The following ZNF280D variants were observed in gnomAD, a reference collection of about 807,000 sequenced individuals.
ZNF280D encodes the protein zinc finger protein 280D.
ZNF280D carries 39 observed loss-of-function variants against 94.7 expected under a neutral mutation model. That is an observed-to-expected ratio of 0.41 (90% CI 0.32 to 0.54). ZNF280D has a LOEUF of 0.54. Ranked by LOEUF, ZNF280D falls within the 20% of genes least tolerant of loss-of-function variation. The pLI is 0.22. For missense variants in ZNF280D, 1,090 were observed against 1,149.3 expected, an observed-to-expected ratio of 0.95 and a Z score of 0.75; for synonymous variants, 398 against 377.6, an observed-to-expected ratio of 1.05 and a Z score of -0.63.
Position 56,677,586 on chromosome 15 carries a change from T to C in ZNF280D, c.1251A>G (p.Pro417=), listed in dbSNP as rs148506857. ...AATGTATGTGTACCTGGCAGACATA[T>C]GGCATTTCACCAGGTTTATGATTGT... ...MKDNHKPGEM[P]YVCQVCNYRS... Residue 417 remains proline, a synonymous_variant, in exon 12 of 22, where the codon CCA becomes CCG. Transcript: ENST00000267807. 93 of 1,605,544 alleles carry C rather than the reference T, an allele frequency of 5.8e-5. No individual in the cohort carries two copies. In the East Asian group the frequency reaches 7.6e-4, roughly 13 times the overall value.
chr15:56,680,040 G>A (rs1457301726), intron 10 of ZNF280D, among the ~76,000 whole-genome samples: 1 of 152,050 alleles, frequency 6.6e-6, no homozygotes, highest in Non-Finnish European at 1.5e-5. Context: ...ATTATTATAT[G>A]AGTTCCCATC....
chr15:56,658,370 T>A, intron 17 of ZNF280D, 54 bp downstream of exon 17: 1 of 1,375,270 alleles, frequency 7.3e-7, no homozygotes, highest in Non-Finnish European at 1.0e-6. Context: ...TTAAAAAAAA[T>A]TTAAGTCATT....
intron 6 of ZNF280D, among the ~76,000 whole-genome samples, chr15:56,694,361 T>C (rs184546492): frequency 3.0e-4 from 45 of 150,410 alleles, no homozygotes; most frequent in Admixed American, 2.1e-3. Flanking sequence ...ATACCATTAA[T>C]ACTTCTAAAA....
intron 1 of ZNF280D, among the ~76,000 whole-genome samples, chr15:56,715,242 C>T (rs1355820947): frequency 6.6e-6 from 1 of 152,108 alleles, no homozygotes; most frequent in African/African-American, 2.4e-5. Context: ...GAAACATATG[C>T]ATTAATCCTT....
At chr15:56,692,430 A>T (rs2056476255) in intron 7 of ZNF280D, among the ~76,000 whole-genome samples, 1 of 152,128 alleles carries the variant, frequency 6.6e-6, no homozygotes, top group Non-Finnish European at 1.5e-5. Context: ...TAAGATACAA[A>T]GAGTAACTGC....
intron 14 of ZNF280D, among the ~76,000 whole-genome samples, chr15:56,668,528 C>T (rs1274446688): frequency 1.3e-5 from 2 of 152,042 alleles, no homozygotes; most frequent in African/African-American, 4.8e-5. Context: ...TCAACATATA[C>T]ACTTTCAACT....
At chr15:56,653,259 C>T (rs2053316691) in intron 19 of ZNF280D, 1 of 1,172,058 alleles carries the variant, frequency 8.5e-7, no homozygotes, top group Admixed American at 4.6e-5. Context: ...TAAACTTCAA[C>T]TTGGATGCTG....
intron 1 of ZNF280D, among the ~76,000 whole-genome samples, chr15:56,727,522 A>G (rs1423095160): frequency 6.6e-6 from 1 of 152,226 alleles, no homozygotes; most frequent in African/African-American, 2.4e-5. Flanking sequence ...AAATAAGGGG[A>G]GGGCACAGAA....
At chr15:56,701,739 C>T (rs1203541385) in intron 4 of ZNF280D, among the ~76,000 whole-genome samples, 1 of 152,014 alleles carries the variant, frequency 6.6e-6, no homozygotes, top group Non-Finnish European at 1.5e-5. Flanking sequence ...TACAGAAAAT[C>T]TCATCGGATT....
intron 9 of ZNF280D, among the ~76,000 whole-genome samples, chr15:56,686,338 T>C: frequency 6.6e-6 from 1 of 152,090 alleles, no homozygotes; most frequent in Admixed American, 6.5e-5. Context: ...GGGGTTTCAC[T>C]ATGTTGGCCA....
Position 56,666,814 on chromosome 15 carries a change from C to G in ZNF280D, c.1718G>C (p.Ser573Thr). Residue 573 changes from serine to threonine, a missense_variant, in exon 15 of 22, where the codon AGT (serine) becomes ACT (threonine). By Grantham distance (58) the Ser-to-Thr change is moderately conservative. Around this residue, in one of 3 missense-constraint regions of ZNF280D, gnomAD observed 577 missense variants for 568.8 expected, o/e 1.01. Coordinates refer to ENST00000267807, the MANE Select transcript of ZNF280D (RefSeq NM_017661.4). ...ATTAGGCTTACTTGTATTAGGTTTACTTGCGTTGGATTTGACTGTATTAGG... is the reference window on the plus strand; with the variant it reads ...ATTAGGCTTACTTGTATTAGGTTTAGTTGCGTTGGATTTGACTGTATTAGG... The part of the protein sequence containing the change: ...SKPNTVKSNA[S>T]KPNTSKPNGS... 6.2e-7 allele frequency: 1 copy of G among 1,613,700 alleles called. No individual in the cohort carries two copies. Among genetic ancestry groups the G allele is most frequent in the Non-Finnish European group, 8.5e-7 (1 of 1,179,856 alleles).
chr15:56,674,742 T>C (rs1159091630), intron 13 of ZNF280D, among the ~76,000 whole-genome samples: 1 of 151,496 alleles, frequency 6.6e-6, no homozygotes, highest in East Asian at 1.9e-4. Flanking sequence ...GTATGTTAAC[T>C]GCTTGTTTTA....
intron 1 of ZNF280D, among the ~76,000 whole-genome samples, chr15:56,713,193 T>A (rs1455949057): frequency 1.3e-5 from 2 of 152,188 alleles, no homozygotes; most frequent in Admixed American, 1.3e-4. Context: ...AACCAAGAAG[T>A]TGGCAACACC....
intron 16 of ZNF280D, 86 bp downstream of exon 16, chr15:56,666,309 C>T: frequency 6.9e-7 from 1 of 1,448,706 alleles, no homozygotes. Flanking sequence ...GAAAAACTGG[C>T]TTCTAATAGG....
intron 6 of ZNF280D, chr15:56,699,638 T>C: frequency 1.1e-6 from 1 of 882,632 alleles, no homozygotes; most frequent in Non-Finnish European, 1.4e-6. Context: ...GTAAATACTT[T>C]AAAGATTTGT....
At chr15:56,697,811 T>A (rs1320166393) in intron 6 of ZNF280D, 5 of 152,146 alleles carry the variant, frequency 3.3e-5, no homozygotes. Context: ...CAAATTAACA[T>A]AAATAACATT....
intron 1 of ZNF280D, among the ~76,000 whole-genome samples, chr15:56,716,712 C>T (rs900581062): frequency 6.6e-6 from 1 of 152,060 alleles, no homozygotes; most frequent in Admixed American, 6.6e-5. Flanking sequence ...AGTATTAAAT[C>T]AGAGAGAAGA....
At chr15:56,662,192 C>A (rs888984216) in intron 16 of ZNF280D, among the ~76,000 whole-genome samples, 4 of 151,368 alleles carry the variant, frequency 2.6e-5, no homozygotes, top group South Asian at 2.1e-4. Context: ...GATTATAGAG[C>A]AATTTATGTG....
Position 56,707,007 on chromosome 15 carries a change from C to G in ZNF280D, c.28+75G>C. ...TTGTTTTTTAAAAAATGTCTCCCAA[C>G]TTTCATCCTTTCTCCTGAGGTAAAG... On this transcript the variant is annotated intron_variant, in intron 3 of 21. Coordinates refer to ENST00000267807, the MANE Select transcript of ZNF280D (RefSeq NM_017661.4). 4.8e-6 allele frequency: 7 copies of G among 1,452,120 alleles called. No individual in the cohort carries two copies. The Middle Eastern group carries it at 1.1e-3, about 223-fold the overall frequency. 90.0% of individuals were successfully genotyped at this position (1,452,120 alleles called of 1,614,324 possible).
Sources: allele counts gnomAD v4.1 joint callset (sites outside exome capture counted in the v4.1 genomes callset), GRCh38; gene constraint gnomAD v4.1.1; regional missense constraint gnomAD v4.1.1; transcripts MANE v1.5; gene names NCBI Gene and HGNC (gene_info 2026-07-23, HGNC 2026-07-21).